VTI1A: variants seen among roughly 807,000 people sequenced by gnomAD.
The protein encoded by VTI1A is vesicle transport through interaction with t-SNAREs 1A.
Under a neutral mutation model 34.9 loss-of-function variants are expected in VTI1A, and 22 were observed. That is an observed-to-expected ratio of 0.63 (90% CI 0.45 to 0.90). The LOEUF is 0.90. Among genes scored for constraint, VTI1A ranks in the 40% least tolerant of loss-of-function variants. VTI1A has a pLI of 0.00. For missense variants in VTI1A, 268 were observed against 275.6 expected (o/e 0.97, Z 0.20); for synonymous variants, 87 against 97.3 (o/e 0.89, Z 0.62).
chr10:112,607,168 T>C (rs1845117134), intron 5 of VTI1A, among the ~76,000 whole-genome samples: 3 of 151,602 alleles, frequency 2.0e-5, no homozygotes, highest in African/African-American at 7.3e-5. Context: ...GCACCTGTAA[T>C]CCCAACTACT....
intron 5 of VTI1A, among the ~76,000 whole-genome samples, chr10:112,646,072 A>C (rs1166642595): frequency 6.6e-6 from 1 of 150,926 alleles, no homozygotes; most frequent in East Asian, 2.0e-4. Context: ...ATATATGTTT[A>C]TAAGTAGAAG....
intron 3 of VTI1A, among the ~76,000 whole-genome samples, chr10:112,499,276 A>G (rs1849139420): frequency 6.6e-6 from 1 of 152,094 alleles, no homozygotes; most frequent in Non-Finnish European, 1.5e-5. Flanking sequence ...CTTGTCATCT[A>G]TGTAGAACTT....
intron 2 of VTI1A, among the ~76,000 whole-genome samples, chr10:112,462,963 C>T (rs1847777942): frequency 6.6e-6 from 1 of 152,046 alleles, no homozygotes; most frequent in South Asian, 2.1e-4. Flanking sequence ...CTCGCTCCAT[C>T]GCCCAGGCTG....
chr10:112,674,694 T>G (rs375116767), intron 7 of VTI1A, among the ~76,000 whole-genome samples: 5 of 152,296 alleles, frequency 3.3e-5, no homozygotes, highest in African/African-American at 1.2e-4. Context: ...AACAGTTCTG[T>G]GAAGGAGGCA....
intron 7 of VTI1A, among the ~76,000 whole-genome samples, chr10:112,765,855 C>A (rs1169346393): frequency 1.3e-5 from 2 of 152,192 alleles, no homozygotes; most frequent in African/African-American, 2.4e-5. Flanking sequence ...TCTAACCTAT[C>A]TCTCTGTGAT....
At chr10:112,653,151 C>T (rs143398448) in intron 5 of VTI1A, among the ~76,000 whole-genome samples, 3 of 152,318 alleles carry the variant, frequency 2.0e-5, no homozygotes, top group African/African-American at 7.2e-5. Context: ...AAGTCATTTA[C>T]TCAGTGTACA....
chr10:112,758,201 G>A (rs149723433), intron 7 of VTI1A, among the ~76,000 whole-genome samples: 143 of 152,262 alleles, frequency 9.4e-4, no homozygotes, highest in African/African-American at 3.1e-3. Flanking sequence ...CATAGAGGAG[G>A]GGGGTCTTGC....
At chr10:112,841,885 A>G in the VTI1A span, among the ~76,000 whole-genome samples, 1 of 152,142 alleles carries the variant, frequency 6.6e-6, no homozygotes, top group Non-Finnish European at 1.5e-5. Context: ...CTGCTAAACC[A>G]GTGGCTTGCC....
At chr10:112,846,484 G>A in the VTI1A span, among the ~76,000 whole-genome samples, 1 of 152,210 alleles carries the variant, frequency 6.6e-6, no homozygotes, top group South Asian at 2.1e-4. Flanking sequence ...TATGGCCAGT[G>A]GGCGGGATGT....
intron 7 of VTI1A, among the ~76,000 whole-genome samples, chr10:112,811,683 C>CAAAAAAAA (rs869030543): frequency 8.4e-5 from 1 of 11,842 alleles, no homozygotes; most frequent in Non-Finnish European, 1.5e-4. Context: ...GACTCCGTCT[C>CAAAAAAAA]AAAAAAAAAA....
Position 112,684,667 on chromosome 10 carries a change from CT to C in VTI1A, c.560+15670del, listed in dbSNP as rs1250368355. Among the ~76,000 whole-genome samples, 3 of 152,208 alleles carry C rather than the reference CT, an allele frequency of 2.0e-5. No homozygotes were observed. The East Asian group carries it at 5.8e-4, about 29-fold the overall frequency. On this transcript the variant is annotated intron_variant, in intron 7 of 7. Transcript: ENST00000393077. The stretch of plus-strand genomic sequence containing the variant: ...TGTTGGTCAGGTTGGTCTCGAACTG[CT>C]GACCTCGTGATCGGCCCATCTCGGC...
chr10:112,629,365 C>G (rs1846046234), intron 5 of VTI1A, among the ~76,000 whole-genome samples: 1 of 152,246 alleles, frequency 6.6e-6, no homozygotes, highest in Non-Finnish European at 1.5e-5. Flanking sequence ...CTACACTATT[C>G]CTCCTATCGC....
chr10:112,594,640 A>T (rs1316119288), intron 5 of VTI1A, among the ~76,000 whole-genome samples: 1 of 152,034 alleles, frequency 6.6e-6, no homozygotes, highest in South Asian at 2.1e-4. Context: ...ACTACAAACC[A>T]CTGCTCAATG....
intron 7 of VTI1A, among the ~76,000 whole-genome samples, chr10:112,716,203 A>G (rs1849607825): frequency 6.6e-6 from 1 of 152,166 alleles, no homozygotes; most frequent in African/African-American, 2.4e-5. Context: ...CAGCACAGAG[A>G]GAGATTTCCA....
At chr10:112,705,987 T>G (rs951377576) in intron 7 of VTI1A, among the ~76,000 whole-genome samples, 2 of 152,228 alleles carry the variant, frequency 1.3e-5, no homozygotes, top group African/African-American at 2.4e-5. Flanking sequence ...ACTGCTAATC[T>G]ACAGTTTACA....
intron 7 of VTI1A, among the ~76,000 whole-genome samples, chr10:112,688,521 C>CTTTTTTTTTTTT (rs59853999): frequency 8.6e-6 from 1 of 116,448 alleles, no homozygotes; most frequent in African/African-American, 3.4e-5. Flanking sequence ...CAATTTTTTT[C>CTTTTTTTTTTTT]TTTTTTTTTT....
intron 7 of VTI1A, among the ~76,000 whole-genome samples, chr10:112,796,664 C>T (rs1852687397): frequency 6.6e-6 from 1 of 152,304 alleles, no homozygotes; most frequent in African/African-American, 2.4e-5. Context: ...AATCACTATA[C>T]TAGAGTATCT....
chr10:112,841,165 G>C, the VTI1A span, among the ~76,000 whole-genome samples: 13 of 152,272 alleles, frequency 8.5e-5, no homozygotes, highest in African/African-American at 2.9e-4. Flanking sequence ...TTTCCTAGGG[G>C]ATACTAAAGA....
chr10:112,574,797 A>G lies in VTI1A; in HGVS notation c.427+36467A>G, dbSNP rs553042550. On this transcript the variant is annotated intron_variant, in intron 5 of 7. Transcript: ENST00000393077. ...ATGCATTGGGTCAGAGAAGCCTTCAATGTCCTGGTCTAATTATGTGTTTAC... is the reference window on the plus strand; with the variant it reads ...ATGCATTGGGTCAGAGAAGCCTTCAGTGTCCTGGTCTAATTATGTGTTTAC... Among the ~76,000 whole-genome samples, 7 of 152,342 alleles carry G rather than the reference A, an allele frequency of 4.6e-5. No homozygotes were observed. In the South Asian group the frequency reaches 1.2e-3, roughly 27 times the overall value.
Sources: allele counts gnomAD v4.1 joint callset (sites outside exome capture counted in the v4.1 genomes callset), GRCh38; gene constraint gnomAD v4.1.1; transcripts MANE v1.5; gene names NCBI Gene and HGNC (gene_info 2026-07-23, HGNC 2026-07-21).